ZNF705B: variants seen among roughly 807,000 people sequenced by gnomAD.
The protein encoded by ZNF705B is Putative zinc finger protein 705D-like protein LOC100132396.
In ZNF705B, 1 loss-of-function variant was observed where a neutral mutation model predicts 10.5. The observed-to-expected ratio is 0.10, with a 90% CI of 0.03 to 0.45. The LOEUF (loss-of-function observed/expected upper bound fraction) is 0.45, where lower values mean the gene tolerates loss of function less well. ZNF705B is among the 20% of genes least tolerant of loss of function. ZNF705B has a pLI of 0.97. For synonymous variants in ZNF705B, 4 were observed against 25.4 expected, an observed-to-expected ratio of 0.16 and a Z score of 2.53; for missense variants, 14 against 84.0, an observed-to-expected ratio of 0.17 and a Z score of 3.26.
rs1305337105 is a variant in ZNF705B at position 7,927,272 on chromosome 8, T to C, written c.-222+875T>C. On this transcript the variant is annotated intron_variant, in intron 1 of 6. Transcript: ENST00000400120. ...GGGCCCTAAAAGGCAAAGTTGTCCT[T>C]ATTAAGTTTTAAATTTTAGGGATTT... Among the ~76,000 whole-genome samples, 20 of 119,614 alleles carry C rather than the reference T, an allele frequency of 1.7e-4. 3 individuals carry two copies. Among genetic ancestry groups the C allele is most frequent in the Admixed American group, 1.2e-3 (12 of 10,306 alleles). 78.5% of individuals were successfully genotyped at this position (119,614 alleles called of 152,430 possible). A position where few individuals can be genotyped will look rare whatever the true frequency, so the allele number is the denominator to read the frequency against.
intron 1 of ZNF705B, among the ~76,000 whole-genome samples, 161 bp from the exon 2 acceptor site, chr8:7,930,126 C>T (rs1819802188): frequency 8.8e-6 from 1 of 113,602 alleles, no homozygotes. Context: ...TTTTTTAACC[C>T]AACTCCTCCC....
In ZNF705B at chr8:7,932,146, A is replaced by G. The variant is rs184357554; in HGVS notation, c.-72+1710A>G. 8.2e-5 allele frequency among the ~76,000 whole-genome samples: 10 copies of G among 121,238 alleles called. 2 individuals are homozygous for G. The highest frequency in any genetic ancestry group is 7.1e-4 in the East Asian group (3 of 4,246). The allele number at this position is 121,238 out of a possible 152,430, so 79.5% of individuals were successfully genotyped here. A position where few individuals can be genotyped will look rare whatever the true frequency, so the allele number is the denominator to read the frequency against. On this transcript the variant is annotated intron_variant, in intron 2 of 6. Transcript: ENST00000400120. Reference sequence around the variant, plus strand: ...TCCCTATAGTAGTCTCAGGGCCTGCAAGGGCTGAGAGACTGTCCCTTGGCT... The same window carrying G: ...TCCCTATAGTAGTCTCAGGGCCTGCGAGGGCTGAGAGACTGTCCCTTGGCT...
At chr8:7,941,071 T>A (rs1434868943) in intron 2 of ZNF705B, among the ~76,000 whole-genome samples, 1 of 149,448 alleles carries the variant, frequency 6.7e-6, no homozygotes, top group East Asian at 2.0e-4. Flanking sequence ...TACCACATTT[T>A]CTTTATCCAG....
intron 2 of ZNF705B, among the ~76,000 whole-genome samples, chr8:7,932,739 TGGC>T (rs1226649152): frequency 1.6e-4 from 19 of 117,972 alleles, no homozygotes; most frequent in Non-Finnish European, 3.4e-4. Flanking sequence ...CATTGTTTCT[TGGC>T]CAAATCAGGC....
chr8:7,935,147 C>A (rs1431689307), intron 2 of ZNF705B, among the ~76,000 whole-genome samples: 1 of 105,360 alleles, frequency 9.5e-6, no homozygotes, highest in Non-Finnish European at 2.3e-5. Context: ...TGGAAGGGAA[C>A]AATATTCCTA....
intron 2 of ZNF705B, among the ~76,000 whole-genome samples, chr8:7,933,775 C>T (rs1265802066): frequency 1.3e-5 from 1 of 78,672 alleles, no homozygotes; most frequent in African/African-American, 3.1e-5. Flanking sequence ...TTCCCACATG[C>T]AGGGTGAAGG....
Position 7,950,689 on chromosome 8 carries a change from A to C in ZNF705B, c.260A>C (p.Lys87Thr), listed in dbSNP as rs750521424. 49 of 893,256 alleles carry C rather than the reference A, an allele frequency of 5.5e-5. 15 individuals carry two copies. Among genetic ancestry groups the C allele is most frequent in the Admixed American group, 2.7e-4 (7 of 26,364 alleles). The allele number at this position is 893,256 out of a possible 1,614,324, so 55.3% of individuals were successfully genotyped here. A position where few individuals can be genotyped will look rare whatever the true frequency, so the allele number is the denominator to read the frequency against. Residue 87 changes from lysine to threonine, a missense_variant, in exon 6 of 7, where the codon AAA (lysine) becomes ACA (threonine). Physicochemically the swap from Lys to Thr is moderately conservative, Grantham distance 78. Transcript: ENST00000400120. ...GACAGGGAAAGTGCCCTTAAGAAAA[A>C]ACACATGATATCCATGCATCCTATC... is the stretch of plus-strand genomic sequence containing the variant. ...NPDRESALKK[K>T]HMISMHPIIR...
At chr8:7,928,274 G>A (rs1408465344) in intron 1 of ZNF705B, among the ~76,000 whole-genome samples, 2 of 119,322 alleles carry the variant, frequency 1.7e-5, no homozygotes, top group African/African-American at 2.5e-5. Context: ...CCACCTTGGG[G>A]GTTGGCATTT....
intron 1 of ZNF705B, among the ~76,000 whole-genome samples, chr8:7,927,295 T>C (rs539288662): frequency 8.3e-6 from 1 of 120,310 alleles, no homozygotes; most frequent in African/African-American, 2.5e-5. Flanking sequence ...ATTTTAGGGA[T>C]TTTTTTGAGA....
At chr8:7,932,196 A>G (rs1254446093) in intron 2 of ZNF705B, among the ~76,000 whole-genome samples, 3 of 121,162 alleles carry the variant, frequency 2.5e-5, no homozygotes, top group Non-Finnish European at 5.9e-5. Context: ...CACAGTGGGA[A>G]TATGGACCAC....
intron 2 of ZNF705B, among the ~76,000 whole-genome samples, chr8:7,930,898 C>A (rs1435478870): frequency 1.5e-5 from 2 of 129,934 alleles, no homozygotes; most frequent in African/African-American, 5.0e-5. Context: ...GCTCTGTAGG[C>A]CAGGCTGCAG....
chr8:7,928,088 C>A (rs543556320), intron 1 of ZNF705B, among the ~76,000 whole-genome samples: 1 of 119,584 alleles, frequency 8.4e-6, no homozygotes, highest in African/African-American at 2.6e-5. Flanking sequence ...AGTCCAAGAT[C>A]AAGACACCGG....
Position 7,932,445 on chromosome 8 carries a change from AG to A in ZNF705B, c.-72+2011del, listed in dbSNP as rs1323346582. 1.6e-5 allele frequency among the ~76,000 whole-genome samples: 2 copies of A among 121,504 alleles called. 1 individual carries two copies. Among genetic ancestry groups the A allele is most frequent in the South Asian group, 5.5e-4 (2 of 3,634 alleles). The allele number at this position is 121,504 out of a possible 152,430, so 79.7% of individuals were successfully genotyped here. On this transcript the variant is annotated intron_variant, in intron 2 of 6. Coordinates refer to ENST00000400120, the MANE Select transcript of ZNF705B (RefSeq NM_001193630.1). ...TGGTACCTCTAGTCAGCCATCTTGAAGGCCACCTCCTAGCAATGAGAGGATA... is the reference window on the plus strand; with the variant it reads ...TGGTACCTCTAGTCAGCCATCTTGAAGCCACCTCCTAGCAATGAGAGGATA...
chr8:7,936,344 A>G lies in ZNF705B; in HGVS notation c.-72+5908A>G, dbSNP rs1184300822. ...TTTTCGAGAAACTTAATACAGAACT[A>G]CCATTTGACCCAGTAATCTCACTAC... On this transcript the variant is annotated intron_variant, in intron 2 of 6. Coordinates refer to ENST00000400120, the MANE Select transcript of ZNF705B (RefSeq NM_001193630.1). Among the ~76,000 whole-genome samples the G allele has an allele frequency of 3.3e-5, 4 of 119,726 alleles. No homozygotes were observed. The East Asian group carries it at 9.5e-4, about 28-fold the overall frequency. 78.5% of individuals were successfully genotyped at this position (119,726 alleles called of 152,430 possible). A position where few individuals can be genotyped will look rare whatever the true frequency, so the allele number is the denominator to read the frequency against.
At position 7,929,275 on chromosome 8, in the gene ZNF705B, T is replaced by C. The variant is rs1168750426; in HGVS notation, c.-221-1012T>C. ...AAATGCAATTTTAATCAAAATGCAA[T>C]TTTAAAATAGCTGCCCTTACATGGT... On this transcript the variant is annotated intron_variant, in intron 1 of 6. Coordinates refer to ENST00000400120, the MANE Select transcript of ZNF705B (RefSeq NM_001193630.1). Among the ~76,000 whole-genome samples, 6 of 121,656 alleles carry C rather than the reference T, an allele frequency of 4.9e-5. 1 individual carries two copies. Among genetic ancestry groups the C allele is most frequent in the African/African-American group, 7.5e-5 (3 of 40,024 alleles). The allele number at this position is 121,656 out of a possible 152,430, so 79.8% of individuals were successfully genotyped here.
At chr8:7,940,885 A>C (rs1323009956) in intron 2 of ZNF705B, among the ~76,000 whole-genome samples, 1 of 146,306 alleles carries the variant, frequency 6.8e-6, no homozygotes, top group Non-Finnish European at 1.5e-5. Flanking sequence ...TTCCCCTCCT[A>C]ATATCCATGT....
chr8:7,927,587 G>A (rs1353922875), intron 1 of ZNF705B, among the ~76,000 whole-genome samples: 1 of 61,670 alleles, frequency 1.6e-5, no homozygotes, highest in East Asian at 8.4e-4. Flanking sequence ...CTCTTCCTAA[G>A]ATTTTTTTTT....
Position 7,929,368 on chromosome 8 carries a change from TA to T in ZNF705B, c.-221-918del, listed in dbSNP as rs1229285454. On this transcript the variant is annotated intron_variant, in intron 1 of 6. Transcript: ENST00000400120. ...AAAATGTTTAAAGGGTGGTTTTCTT[TA>T]TATTTCCAAAAGGAAAGTTGATAGA... Among the ~76,000 whole-genome samples, 11 of 121,726 alleles carry T rather than the reference TA, an allele frequency of 9.0e-5. 2 individuals are homozygous for T. In the East Asian group the frequency reaches 2.6e-3, roughly 29 times the overall value. 79.9% of individuals were successfully genotyped at this position (121,726 alleles called of 152,430 possible).
At chr8:7,932,941 A>G (rs1203916078) in intron 2 of ZNF705B, among the ~76,000 whole-genome samples, 1 of 109,466 alleles carries the variant, frequency 9.1e-6, no homozygotes, top group Non-Finnish European at 2.2e-5. Context: ...AAAAGCACTC[A>G]GTGGCTGTTG....
Sources: allele counts gnomAD v4.1 joint callset (sites outside exome capture counted in the v4.1 genomes callset), GRCh38; gene constraint gnomAD v4.1.1; transcripts MANE v1.5; gene names NCBI Gene and HGNC (gene_info 2026-07-23, HGNC 2026-07-21).